DNAH9: variants seen among roughly 807,000 people sequenced by gnomAD.
The protein encoded by DNAH9 is dynein axonemal heavy chain 9.
DNAH9 carries 345 observed loss-of-function variants against 471.6 expected under a neutral mutation model. That is an observed-to-expected ratio of 0.73 (90% confidence interval 0.67 to 0.80). The LOEUF is 0.80. Among genes scored for constraint, DNAH9 ranks in the 30% least tolerant of loss-of-function variants. DNAH9 has a pLI of 0.00. For missense variants in DNAH9, 5,407 were observed against 5,609.2 expected (o/e 0.96, Z 1.15); for synonymous variants, 2,093 against 2,123.6 (o/e 0.99, Z 0.40).
At position 11,700,056 on chromosome 17, in the gene DNAH9, G is replaced by A. The variant is rs528423615; in HGVS notation, c.5025+173G>A. On this transcript the variant is annotated intron_variant, in intron 23 of 68. Transcript: ENST00000262442. ...AACTGATGTTGGAGCAGCAGCTGGC[G>A]CCCTGCTTTCCTCTTTCAGGGAAGG... 4.6e-5 allele frequency among the ~76,000 whole-genome samples: 7 copies of A among 152,280 alleles called. 1 individual carries two copies. In the South Asian group the frequency reaches 1.0e-3, roughly 23 times the overall value.
rs1440385644 is a variant in DNAH9, at chr17:11,705,106, A to C, written c.5473A>C (p.Ile1825Leu). The C allele has an allele frequency of 1.2e-6, 2 of 1,614,164 alleles. No individual in the cohort carries two copies. Among genetic ancestry groups the C allele is most frequent in the Non-Finnish European group, 1.7e-6 (2 of 1,179,980 alleles). ...DDEVKHCFANICDAQFLYSYE... is the reference protein window; with the variant it reads ...DDEVKHCFANLCDAQFLYSYE... ...CGAGGTCAAACACTGCTTTGCCAACATCTGTGATGCCCAGTTTTTGTATTC... is the reference window on the plus strand; with the variant it reads ...CGAGGTCAAACACTGCTTTGCCAACCTCTGTGATGCCCAGTTTTTGTATTC... Residue 1825 changes from isoleucine to leucine, a missense_variant, in exon 26 of 69, where the codon ATC becomes CTC. Ile to Leu is a conservative substitution (Grantham distance 5). Transcript: ENST00000262442.
At chr17:11,609,966 A>G (rs1160368641) in intron 2 of DNAH9, among the ~76,000 whole-genome samples, 1 of 152,206 alleles carries the variant, frequency 6.6e-6, no homozygotes. Context: ...TTTCCTTGGG[A>G]GAGCCAACCT....
At position 11,798,294 on chromosome 17, in the gene DNAH9, G is replaced by A. The variant is rs940620195; in HGVS notation, c.8420+501G>A. On this transcript the variant is annotated intron_variant, in intron 43 of 68. Transcript: ENST00000262442. ...AAAAATATAAAAAAATTAGCCAGGC[G>A]TGGTGGCACGTGCCTATCATCCCAG... Among the ~76,000 whole-genome samples the A allele has an allele frequency of 8.6e-5, 13 of 151,590 alleles. No homozygotes were observed. In the East Asian group the frequency reaches 2.2e-3, roughly 25 times the overall value.
chr17:11,955,594 T>C (rs575957996), intron 67 of DNAH9, among the ~76,000 whole-genome samples: 3 of 152,352 alleles, frequency 2.0e-5, no homozygotes, highest in African/African-American at 7.2e-5. Context: ...CAGCATATGA[T>C]TGTATTAATA....
At chr17:11,786,715 G>A (rs536154820) in intron 41 of DNAH9, among the ~76,000 whole-genome samples, 35 of 152,164 alleles carry the variant, frequency 2.3e-4, no homozygotes, top group Non-Finnish European at 2.6e-4. Context: ...GGTAATTCAC[G>A]GTGACAAAAG....
intron 59 of DNAH9, among the ~76,000 whole-genome samples, chr17:11,897,711 A>T (rs1225971935): frequency 6.6e-6 from 1 of 152,150 alleles, no homozygotes; most frequent in East Asian, 1.9e-4. Context: ...TATTCCTCTG[A>T]GCCTTGGTTT....
At chr17:11,615,618 G>GCTCTCT (rs757134656) in intron 4 of DNAH9, among the ~76,000 whole-genome samples, 1 of 149,032 alleles carries the variant, frequency 6.7e-6, no homozygotes, top group African/African-American at 2.5e-5. Context: ...TATGAGCCCA[G>GCTCTCT]CTCTCTCTCT....
At chr17:11,788,615 C>A (rs1192556980) in intron 41 of DNAH9, among the ~76,000 whole-genome samples, 1 of 152,010 alleles carries the variant, frequency 6.6e-6, no homozygotes, top group Non-Finnish European at 1.5e-5. Flanking sequence ...TAGCCAATAT[C>A]ACTTTGTATC....
At chr17:11,739,106 G>A (rs184483411) in intron 29 of DNAH9, 69 bp downstream of exon 29, 5 of 1,423,960 alleles carry the variant, frequency 3.5e-6, no homozygotes, top group African/African-American at 1.4e-5. Context: ...CACTTAAAAT[G>A]TGTGACATAT....
At chr17:11,635,333 AT>A (rs746022574) in intron 8 of DNAH9, among the ~76,000 whole-genome samples, 1,733 of 94,606 alleles carry the variant, frequency 0.018, 27 homozygotes, top group African/African-American at 0.06. Context: ...TGACTCGCTA[AT>A]TTTTTTTTTT....
intron 43 of DNAH9, among the ~76,000 whole-genome samples, chr17:11,803,459 G>A (rs1249750476): frequency 5.3e-5 from 8 of 152,184 alleles, no homozygotes; most frequent in Admixed American, 2.0e-4. Flanking sequence ...CCAGCTGTGC[G>A]ATGGTGCATC....
chr17:11,768,998 G>A lies in DNAH9; in HGVS notation c.7345-124G>A, dbSNP rs562706582. On this transcript the variant is annotated intron_variant, in intron 37 of 68. Transcript: ENST00000262442. Reference sequence around the variant, plus strand: ...AACATCAGGGAAGATACTCCTGACCGGTGCTTATTTGGGGAGCTCCATCGT... The same window carrying A: ...AACATCAGGGAAGATACTCCTGACCAGTGCTTATTTGGGGAGCTCCATCGT... 3.5e-4 allele frequency: 334 copies of A among 964,356 alleles called. 2 individuals are homozygous for A. The South Asian group carries it at 4.3e-3, about 12-fold the overall frequency. 59.7% of individuals were successfully genotyped at this position (964,356 alleles called of 1,614,324 possible).
chr17:11,859,346 A>C (rs1246169954), intron 50 of DNAH9, among the ~76,000 whole-genome samples: 1 of 146,752 alleles, frequency 6.8e-6, no homozygotes, highest in East Asian at 2.1e-4. Flanking sequence ...TGGAAGGCAG[A>C]GGTTGCAGTG....
intron 30 of DNAH9, among the ~76,000 whole-genome samples, chr17:11,744,117 C>T (rs1272216424): frequency 1.3e-5 from 2 of 152,064 alleles, no homozygotes; most frequent in Admixed American, 6.5e-5. Context: ...TGTGAGTCAC[C>T]GCACCTGGCC....
chr17:11,874,310 G>A (rs984805222), intron 52 of DNAH9, among the ~76,000 whole-genome samples: 2 of 151,956 alleles, frequency 1.3e-5, no homozygotes, highest in African/African-American at 4.8e-5. Context: ...CAGTGTCTAG[G>A]GCACACACAG....
At chr17:11,821,878 C>T (rs537559033) in intron 45 of DNAH9, 42 bp from the exon 46 acceptor site, 6 of 1,583,594 alleles carry the variant, frequency 3.8e-6, no homozygotes, top group South Asian at 2.3e-5. Flanking sequence ...CATCATTTAA[C>T]GAGATGCCAA....
chr17:11,822,850 G>C lies in DNAH9; in HGVS notation c.9062G>C (p.Ser3021Thr), dbSNP rs1444077353. Residue 3021 changes from serine to threonine, a missense_variant, in exon 48 of 69, where the codon AGT becomes ACT. Physicochemically the swap from Ser to Thr is moderately conservative, Grantham distance 58. This residue lies in a region of DNAH9 where 4,636 missense variants were observed against 4,900.3 expected (regional missense o/e 0.95). Transcript: ENST00000262442. ...ISKFMAFVHTSVNQTSQSYLS... is the reference protein window; with the variant it reads ...ISKFMAFVHTTVNQTSQSYLS... ...AAATTCATGGCCTTTGTCCACACAA[G>C]TGTCAACCAAACATCCCAGTCTTAT... 9.9e-6 allele frequency: 16 copies of C among 1,614,104 alleles called. No individual in the cohort carries two copies. The Admixed American group carries it at 2.7e-4, about 27-fold the overall frequency.
intron 66 of DNAH9, among the ~76,000 whole-genome samples, chr17:11,938,249 T>C (rs1372424634): frequency 1.3e-5 from 2 of 151,856 alleles, no homozygotes; most frequent in African/African-American, 4.8e-5. Context: ...CATGAGGTCA[T>C]GAGTTCGAGA....
chr17:11,824,433 C>G (rs530288690), intron 48 of DNAH9, among the ~76,000 whole-genome samples: 1 of 152,188 alleles, frequency 6.6e-6, no homozygotes, highest in Non-Finnish European at 1.5e-5. Context: ...TTCTTCTGCT[C>G]AGGAAGTGGT....
Sources: gnomAD v4.1 joint callset for allele counts (sites outside exome capture counted in the v4.1 genomes callset) on GRCh38, gnomAD v4.1.1 for gene constraint, gnomAD v4.1.1 regional missense constraint, MANE v1.5 for transcripts, NCBI Gene and HGNC (gene_info 2026-07-23, HGNC 2026-07-21) for gene names.